DLGAP5: variants seen among roughly 807,000 people sequenced by gnomAD.
DLGAP5 encodes the protein DLG associated protein 5.
Under a neutral mutation model 99.6 loss-of-function variants are expected in DLGAP5, and 90 were observed. That is an observed-to-expected ratio of 0.90 (90% CI 0.76 to 1.08). DLGAP5 has a LOEUF of 1.08. DLGAP5 is among the 50% of genes least tolerant of loss of function. The probability of loss-of-function intolerance (pLI) is 0.00; values close to 1 mark genes in which losing one functional copy is unlikely to be tolerated. For synonymous variants in DLGAP5, 311 were observed against 321.3 expected (o/e 0.97, Z 0.34); for missense variants, 1,036 against 983.5 (o/e 1.05, Z -0.71).
intron 12 of DLGAP5, among the ~76,000 whole-genome samples, chr14:55,167,457 C>T (rs891562472): frequency 4.6e-5 from 7 of 152,230 alleles, no homozygotes; most frequent in African/African-American, 1.7e-4. Flanking sequence ...CATGTCTGGG[C>T]CATACAGCTG....
intron 10 of DLGAP5, among the ~76,000 whole-genome samples, chr14:55,173,337 G>A (rs1882933294): frequency 6.6e-6 from 1 of 151,232 alleles, no homozygotes; most frequent in Non-Finnish European, 1.5e-5. Flanking sequence ...CTGGCAGGAG[G>A]ATGGCTTGAG....
intron 2 of DLGAP5, among the ~76,000 whole-genome samples, chr14:55,186,222 G>T (rs1420473474): frequency 2.6e-5 from 4 of 152,194 alleles, no homozygotes; most frequent in Non-Finnish European, 5.9e-5. Context: ...GGTGAGCCGA[G>T]ATCGTGCCAT....
chr14:55,170,214 G>T (rs934187690), intron 11 of DLGAP5, among the ~76,000 whole-genome samples: 1 of 150,244 alleles, frequency 6.7e-6, no homozygotes, highest in African/African-American at 2.4e-5. Flanking sequence ...ATCTAAGAAG[G>T]ACTTCATACT....
chr14:55,170,206 C>G (rs1882808014), intron 11 of DLGAP5, among the ~76,000 whole-genome samples: 1 of 151,116 alleles, frequency 6.6e-6, no homozygotes, highest in South Asian at 2.1e-4. Context: ...AAATAATTAT[C>G]TAAGAAGGAC....
rs143558701 is a variant in DLGAP5 at position 55,180,715 on chromosome 14, T to C, written c.644A>G (p.Gln215Arg). 383 of 1,614,068 alleles carry C rather than the reference T, an allele frequency of 2.4e-4. No homozygotes were observed. Among genetic ancestry groups the C allele is most frequent in the Non-Finnish European group, 3.0e-4 (359 of 1,180,018 alleles). Residue 215 changes from glutamine (Q) to arginine (R), a missense_variant, in exon 6 of 19, where the codon CAG becomes CGG. Transcript: ENST00000247191. ...GGTAGATGAGACTGTTCTGGGAACC[T>C]GCTTTGCTGCTTGAGTAGCTGATCG... ...MTRSATQAAK[Q>R]VPRTVSSTTA...
rs80258808 is a variant in DLGAP5, at chr14:55,186,854, G to A, written c.238+2088C>T. Among the ~76,000 whole-genome samples the A allele has an allele frequency of 4.6e-3, 697 of 152,312 alleles. 30 individuals are homozygous for A. In the East Asian group the frequency reaches 0.12, roughly 25 times the overall value. ...TTCTACTCGGTTTCTAGGATAGCAC[G>A]TTCTTCTGGTTATCCTCTTACATTA... is the stretch of plus-strand genomic sequence containing the variant. On this transcript the variant is annotated intron_variant, in intron 2 of 18. Coordinates refer to ENST00000247191, the MANE Select transcript of DLGAP5 (RefSeq NM_014750.5).
intron 10 of DLGAP5, among the ~76,000 whole-genome samples, chr14:55,172,085 T>C (rs1219537507): frequency 1.3e-5 from 2 of 151,904 alleles, no homozygotes; most frequent in Non-Finnish European, 2.9e-5. Flanking sequence ...CTACTAGTCC[T>C]GAACTCCTGA....
chr14:55,151,253 A>G (rs1373760199), intron 17 of DLGAP5, among the ~76,000 whole-genome samples: 1 of 152,222 alleles, frequency 6.6e-6, no homozygotes, highest in African/African-American at 2.4e-5. Flanking sequence ...TTGCAGAACC[A>G]TCACAACAAT....
At chr14:55,149,545 A>C (rs1369642259) in intron 18 of DLGAP5, among the ~76,000 whole-genome samples, 1 of 152,220 alleles carries the variant, frequency 6.6e-6, no homozygotes, top group African/African-American at 2.4e-5. Context: ...AAGTTAACTA[A>C]AACTGTGGTT....
chr14:55,175,331 AAC>A lies in DLGAP5; in HGVS notation c.1301+13_1301+14del. 3 of 1,600,734 alleles carry A rather than the reference AAC, an allele frequency of 1.9e-6. No homozygotes were observed. Among genetic ancestry groups the A allele is most frequent in the South Asian group, 1.1e-5 (1 of 87,348 alleles). On this transcript the variant is annotated intron_variant, in intron 10 of 18. Transcript: ENST00000247191. ...ATTAATACAAAATTCTTACACTAGA[AAC>A]ACACAGACATACCTGAAATATGGCA...
In DLGAP5 at chr14:55,151,142, G is replaced by A. The variant is rs553057207; in HGVS notation, c.2369-294C>T. Among the ~76,000 whole-genome samples the A allele has an allele frequency of 7.9e-5, 12 of 152,278 alleles. No individual in the cohort carries two copies. The South Asian group carries it at 2.5e-3, about 32-fold the overall frequency. ...TGTCTGGCCGAGGTTAAAACCTTTT[G>A]TTTTACCATAGGCCCCAGTTAGACC... On this transcript the variant is annotated intron_variant, in intron 17 of 18. Coordinates refer to ENST00000247191, the MANE Select transcript of DLGAP5 (RefSeq NM_014750.5).
chr14:55,172,981 C>CAAAAAAAAAAAAAAAAAAAAAAAA (rs71291818), intron 10 of DLGAP5, among the ~76,000 whole-genome samples: 1 of 62,094 alleles, frequency 1.6e-5, no homozygotes, highest in African/African-American at 6.0e-5. Context: ...GACTCCGTCT[C>CAAAAAAAAAAAAAAAAAAAAAAAA]AAAAAAAAAA....
chr14:55,180,481 G>C (rs1883232436), intron 6 of DLGAP5, among the ~76,000 whole-genome samples, 175 bp downstream of exon 6: 1 of 152,022 alleles, frequency 6.6e-6, no homozygotes, highest in African/African-American at 2.4e-5. Flanking sequence ...TCAATGATTG[G>C]GCACCCATTG....
chr14:55,148,557 T>G, intron 18 of DLGAP5, 84 bp from the exon 19 acceptor site: 1 of 1,606,138 alleles, frequency 6.2e-7, no homozygotes, highest in Non-Finnish European at 8.5e-7. Flanking sequence ...AGTGGATTAA[T>G]TAATAACAAA....
At chr14:55,185,983 A>G (rs1883422890) in intron 2 of DLGAP5, among the ~76,000 whole-genome samples, 1 of 152,204 alleles carries the variant, frequency 6.6e-6, no homozygotes, top group Non-Finnish European at 1.5e-5. Flanking sequence ...AAATAAAGAC[A>G]TTTCTGGAAG....
At chr14:55,159,720 A>G (rs1446750086) in intron 13 of DLGAP5, among the ~76,000 whole-genome samples, 6 of 152,302 alleles carry the variant, frequency 3.9e-5, no homozygotes, top group Admixed American at 2.0e-4. Flanking sequence ...AGAGCTTAGT[A>G]AGTGTGGTCT....
chr14:55,166,684 G>T (rs1882653340), intron 12 of DLGAP5, among the ~76,000 whole-genome samples: 1 of 151,398 alleles, frequency 6.6e-6, no homozygotes, highest in Non-Finnish European at 1.5e-5. Context: ...AACTGAGATT[G>T]TGCCATTGCA....
At chr14:55,152,741 T>G (rs1882063165) in intron 15 of DLGAP5, 94 bp from the exon 16 acceptor site, 22 of 1,074,284 alleles carry the variant, frequency 2.0e-5, no homozygotes, top group Middle Eastern at 4.3e-4. Context: ...GCAATTAGTT[T>G]AGGGAATGGA....
intron 13 of DLGAP5, among the ~76,000 whole-genome samples, chr14:55,162,555 C>G (rs1882483128): frequency 6.6e-6 from 1 of 150,770 alleles, no homozygotes; most frequent in South Asian, 2.1e-4. Flanking sequence ...GGAGGCGGAG[C>G]TGGCAGTGAG....
Sources: allele counts gnomAD v4.1 joint callset (sites outside exome capture counted in the v4.1 genomes callset), GRCh38; gene constraint gnomAD v4.1.1; transcripts MANE v1.5; gene names NCBI Gene and HGNC (gene_info 2026-07-23, HGNC 2026-07-21).